FOCAD: variants seen among roughly 807,000 people sequenced by gnomAD.
The protein encoded by FOCAD is focadhesin.
A neutral mutation model predicts 225.6 loss-of-function variants in FOCAD; 198 were observed. The observed-to-expected ratio is 0.88, with a 90% CI of 0.78 to 0.99. The LOEUF (loss-of-function observed/expected upper bound fraction) is 0.99. Ranked by LOEUF, FOCAD falls within the 50% of genes least tolerant of loss-of-function variation. FOCAD has a pLI of 0.00. For missense variants in FOCAD, 2,713 were observed against 2,123.6 expected, an observed-to-expected ratio of 1.28 and a Z score of -5.46; for synonymous variants, 897 against 755.0, an observed-to-expected ratio of 1.19 and a Z score of -3.08.
intron 19 of FOCAD, among the ~76,000 whole-genome samples, chr9:20,876,505 A>G (rs886663024): frequency 2.6e-5 from 4 of 152,102 alleles, no homozygotes; most frequent in Non-Finnish European, 5.9e-5. Context: ...TATGATGGCT[A>G]TTACCTGGAT....
chr9:20,938,549 A>T (rs1836257335), intron 28 of FOCAD, among the ~76,000 whole-genome samples: 1 of 149,004 alleles, frequency 6.7e-6, no homozygotes, highest in Non-Finnish European at 1.5e-5. Context: ...TGGACACAGG[A>T]AGCGGAACAT....
intron 4 of FOCAD, among the ~76,000 whole-genome samples, chr9:20,721,516 A>G (rs946633575): frequency 1.3e-5 from 2 of 152,122 alleles, no homozygotes; most frequent in African/African-American, 2.4e-5. Flanking sequence ...AGCCTGGCCA[A>G]CATGATGAGA....
intron 1 of FOCAD, among the ~76,000 whole-genome samples, chr9:20,688,085 C>G (rs1049661236): frequency 6.6e-6 from 1 of 152,278 alleles, no homozygotes; most frequent in Middle Eastern, 3.4e-3. Context: ...AAAAAGTAAA[C>G]AAGGGTAAAT....
chr9:20,976,761 C>T (rs566277020), intron 36 of FOCAD, among the ~76,000 whole-genome samples: 3 of 152,276 alleles, frequency 2.0e-5, no homozygotes, highest in Admixed American at 6.5e-5. Context: ...GCCAGATACA[C>T]CTGCCAAAAA....
intron 23 of FOCAD, among the ~76,000 whole-genome samples, chr9:20,913,304 A>G (rs547328072): frequency 2.0e-5 from 3 of 151,804 alleles, no homozygotes; most frequent in Middle Eastern, 3.4e-3. Context: ...TTGCTTTCCT[A>G]CCTCACATGT....
intron 5 of FOCAD, among the ~76,000 whole-genome samples, chr9:20,757,149 G>A (rs1829130733): frequency 1.3e-5 from 2 of 152,084 alleles, no homozygotes; most frequent in Admixed American, 6.6e-5. Context: ...GGCTGGTCTC[G>A]AACTCCCAAC....
At chr9:20,879,475 A>G (rs1830492574) in intron 19 of FOCAD, among the ~76,000 whole-genome samples, 1 of 152,032 alleles carries the variant, frequency 6.6e-6, no homozygotes, top group Non-Finnish European at 1.5e-5. Flanking sequence ...AGTTTTTTAT[A>G]TTTATTCCAA....
chr9:20,848,272 G>A (rs1587389458), intron 15 of FOCAD, among the ~76,000 whole-genome samples: 4 of 152,106 alleles, frequency 2.6e-5, no homozygotes, highest in East Asian at 1.9e-4. Flanking sequence ...GTGGGGAAAC[G>A]CAGCAAGGCC....
chr9:20,673,596 A>G (rs1041694389), intron 2 of FOCAD, among the ~76,000 whole-genome samples: 2 of 152,052 alleles, frequency 1.3e-5, no homozygotes, highest in African/African-American at 4.8e-5. Flanking sequence ...TACTTAATTA[A>G]TTATTATTAT....
intron 21 of FOCAD, among the ~76,000 whole-genome samples, chr9:20,890,179 T>C (rs954348502): frequency 6.6e-6 from 1 of 152,032 alleles, no homozygotes; most frequent in Non-Finnish European, 1.5e-5. Flanking sequence ...ATTGTTTTTA[T>C]TGCTGGACTG....
At chr9:20,906,862 A>C (rs1833023595) in intron 21 of FOCAD, among the ~76,000 whole-genome samples, 1 of 152,042 alleles carries the variant, frequency 6.6e-6, no homozygotes, top group South Asian at 2.1e-4. Context: ...CTAATTTTCG[A>C]GGGTTGATTT....
intron 5 of FOCAD, among the ~76,000 whole-genome samples, chr9:20,742,964 A>G (rs914605): frequency 0.97 from 147,829 of 152,272 alleles, 71,786 homozygotes; most frequent in East Asian, 1. Context: ...ATGGCCGTTT[A>G]GCACTATAAA....
At chr9:20,692,802 G>A (rs1823052913) in intron 1 of FOCAD, among the ~76,000 whole-genome samples, 1 of 152,176 alleles carries the variant, frequency 6.6e-6, no homozygotes, top group African/African-American at 2.4e-5. Context: ...CCTGCTGTTG[G>A]TGAGAGCAGG....
At chr9:20,693,560 A>G (rs1251537359) in intron 1 of FOCAD, among the ~76,000 whole-genome samples, 1 of 152,246 alleles carries the variant, frequency 6.6e-6, no homozygotes, top group Non-Finnish European at 1.5e-5. Flanking sequence ...CAAGGTAGGC[A>G]TCTCATAAAT....
At chr9:20,984,364 G>C (rs1438410017) in intron 39 of FOCAD, among the ~76,000 whole-genome samples, 1 of 152,150 alleles carries the variant, frequency 6.6e-6, no homozygotes, top group Non-Finnish European at 1.5e-5. Flanking sequence ...GAACACTTTA[G>C]CTTCTTAAAA....
At chr9:20,795,452 A>G (rs1820954619) in intron 11 of FOCAD, among the ~76,000 whole-genome samples, 1 of 152,184 alleles carries the variant, frequency 6.6e-6, no homozygotes, top group South Asian at 2.1e-4. Context: ...TGAAAATTAA[A>G]TGATGAAAAC....
At position 20,759,537 on chromosome 9, in the gene FOCAD, C is replaced by G. The variant is rs542914670; in HGVS notation, c.494+1346C>G. ...GAGAAAGCTGAAACTGGATCCCTTCCTTACACCTTATACAAAACTTAATTC... is the reference window on the plus strand; with the variant it reads ...GAGAAAGCTGAAACTGGATCCCTTCGTTACACCTTATACAAAACTTAATTC... On this transcript the variant is annotated intron_variant, in intron 6 of 43. Coordinates refer to ENST00000338382, the MANE Select transcript of FOCAD (RefSeq NM_001375567.1). 2.6e-5 allele frequency among the ~76,000 whole-genome samples: 4 copies of G among 152,288 alleles called. No homozygotes were observed. The South Asian group carries it at 6.2e-4, about 24-fold the overall frequency.
chr9:20,765,541 A>G (rs965383633), intron 7 of FOCAD, among the ~76,000 whole-genome samples: 3 of 152,150 alleles, frequency 2.0e-5, no homozygotes, highest in Admixed American at 1.3e-4. Flanking sequence ...GTCCCCTTGC[A>G]ACATATGCAG....
chr9:20,769,533 C>T (rs1409741642), intron 7 of FOCAD, among the ~76,000 whole-genome samples: 2 of 152,200 alleles, frequency 1.3e-5, no homozygotes. Flanking sequence ...TGAATATGGT[C>T]TTTTACTATA....
Sources: allele counts gnomAD v4.1 joint callset (sites outside exome capture counted in the v4.1 genomes callset), GRCh38; gene constraint gnomAD v4.1.1; transcripts MANE v1.5; gene names NCBI Gene and HGNC (gene_info 2026-07-23, HGNC 2026-07-21).